The following PRMT2 variants were observed in gnomAD, a reference collection of about 807,000 sequenced individuals.
PRMT2 encodes protein arginine methyltransferase 2.
PRMT2 carries 26 observed loss-of-function variants against 57.6 expected under a neutral mutation model. The ratio of observed to expected loss-of-function variants is 0.45; its 90% CI spans 0.33 to 0.63. PRMT2 has a LOEUF of 0.63. PRMT2 is among the 20% of genes least tolerant of loss of function. The probability of loss-of-function intolerance (pLI) is 0.02; values close to 1 mark genes in which losing one functional copy is unlikely to be tolerated. For missense variants in PRMT2, 472 were observed against 564.4 expected (o/e 0.84, Z 1.66); for synonymous variants, 219 against 220.0 (o/e 1.00, Z 0.04).
chr21:46,650,976 G>A (rs563585143), intron 7 of PRMT2, among the ~76,000 whole-genome samples: 2 of 152,350 alleles, frequency 1.3e-5, no homozygotes, highest in East Asian at 1.9e-4. Flanking sequence ...CCTGGACACC[G>A]AAGGGAGTGC....
At chr21:46,662,147 C>T (rs1160495621) in intron 10 of PRMT2, among the ~76,000 whole-genome samples, 1 of 152,006 alleles carries the variant, frequency 6.6e-6, no homozygotes, top group Non-Finnish European at 1.5e-5. Context: ...TTCCGGGTCT[C>T]GCCACCACTC....
chr21:46,641,696 A>G (rs1349339062), intron 3 of PRMT2, among the ~76,000 whole-genome samples: 1 of 146,852 alleles, frequency 6.8e-6, no homozygotes, highest in Non-Finnish European at 1.5e-5. Flanking sequence ...CATCCTAAAA[A>G]AAAAGCCAAA....
chr21:46,648,583 C>G lies in PRMT2; in HGVS notation c.453C>G (p.Ile151Met), dbSNP rs779430096. The stretch of plus-strand genomic sequence containing the variant: ...ACGTGGGCTGTGGGACTGGGATCAT[C>G]AGTCTCTTCTGTGCACACTATGCGC... ...ILDVGCGTGI[I>M]SLFCAHYARP... The change falls in exon 6 of 12, where the codon ATC becomes ATG. Residue 151 changes from isoleucine to methionine, a missense_variant. By Grantham distance (10) the Ile-to-Met change is conservative (BLOSUM62 1). Coordinates refer to ENST00000355680, the MANE Select transcript of PRMT2 (RefSeq NM_206962.4). This position sits in a 1 kb window ranked among gnomAD's most constrained non-coding sequence, Gnocchi z 4.8. The G allele has an allele frequency of 1.9e-6, 3 of 1,614,222 alleles. No individual in the cohort carries two copies. The African/African-American group carries it at 4.0e-5, about 22-fold the overall frequency.
chr21:46,661,747 G>A, intron 9 of PRMT2, 53 bp from the exon 10 acceptor site: 1 of 1,283,732 alleles, frequency 7.8e-7, no homozygotes, highest in Middle Eastern at 2.3e-4. Context: ...CCCAACCCGG[G>A]CCCTGCGGTG....
At chr21:46,637,103 C>A in intron 3 of PRMT2, 113 bp downstream of exon 3, 1 of 1,056,384 alleles carries the variant, frequency 9.5e-7, no homozygotes. Context: ...TGGAAGGTGG[C>A]CACCGGCAGT....
intron 7 of PRMT2, chr21:46,652,949 G>C: frequency 7.7e-7 from 1 of 1,292,476 alleles, no homozygotes; most frequent in Non-Finnish European, 1.0e-6. Flanking sequence ...GCAGGTGCAG[G>C]GGCTGCCTCC....
At chr21:46,639,999 C>T (rs891947695) in intron 3 of PRMT2, among the ~76,000 whole-genome samples, 1 of 152,088 alleles carries the variant, frequency 6.6e-6, no homozygotes, top group African/African-American at 2.4e-5. Flanking sequence ...TCTATAATTC[C>T]ATATTACCTC....
intron 10 of PRMT2, among the ~76,000 whole-genome samples, chr21:46,662,980 C>G (rs1157656515): frequency 6.6e-6 from 1 of 152,102 alleles, no homozygotes; most frequent in African/African-American, 2.4e-5. Context: ...GTCCTCCTGG[C>G]GGGCCGGGGA....
intron 5 of PRMT2, among the ~76,000 whole-genome samples, chr21:46,645,721 GTT>G (rs975286483): frequency 7.0e-6 from 1 of 142,128 alleles, no homozygotes. Context: ...GTTTGTTTTT[GTT>G]TTTTTTTTTT....
chr21:46,657,922 T>C (rs912388109), intron 7 of PRMT2: 4 of 152,250 alleles, frequency 2.6e-5, no homozygotes, highest in Non-Finnish European at 4.4e-5. Flanking sequence ...TGGGTTAATA[T>C]GTGATTTTTA....
In PRMT2 at chr21:46,664,595, C is replaced by T. The variant is rs1201170438; in HGVS notation, c.*268C>T. 6.6e-5 allele frequency: 37 copies of T among 564,034 alleles called. No individual in the cohort carries two copies. The Admixed American group carries it at 1.1e-3, about 17-fold the overall frequency. 34.9% of individuals were successfully genotyped at this position (564,034 alleles called of 1,614,324 possible). A position where few individuals can be genotyped will look rare whatever the true frequency, so the allele number is the denominator to read the frequency against. The stretch of plus-strand genomic sequence containing the variant: ...TTTCCAGGTGTTCACCCGTGGTGCC[C>T]ACAGTGCCGACCCGTGGCTGGGTCG... On this transcript the variant is annotated 3_prime_UTR_variant, in exon 12 of 12. Coordinates refer to ENST00000355680, the MANE Select transcript of PRMT2 (RefSeq NM_206962.4).
At chr21:46,637,757 G>C (rs993893914) in intron 3 of PRMT2, among the ~76,000 whole-genome samples, 1 of 151,024 alleles carries the variant, frequency 6.6e-6, no homozygotes, top group Non-Finnish European at 1.5e-5. Flanking sequence ...ATATATATGT[G>C]TGTGTATATA....
chr21:46,649,449 T>C lies in PRMT2; in HGVS notation c.490-126T>C, dbSNP rs972203543. ...TGTGGCCAGTCCTCGCTGCCTCTGC[T>C]GTCTGGAATGCTGCTTCCCTCTTGT... On this transcript the variant is annotated intron_variant, in intron 6 of 11. Coordinates refer to ENST00000355680, the MANE Select transcript of PRMT2 (RefSeq NM_206962.4). The surrounding 1 kb of genome is among the most constrained non-coding windows in gnomAD (Gnocchi z 4.8). 19 of 1,479,528 alleles carry C rather than the reference T, an allele frequency of 1.3e-5. No individual in the cohort carries two copies. The highest frequency in any genetic ancestry group is 3.4e-5 in the South Asian group (3 of 87,342). 91.7% of individuals were successfully genotyped at this position (1,479,528 alleles called of 1,614,324 possible).
At chr21:46,650,572 C>T (rs1473916454) in intron 7 of PRMT2, among the ~76,000 whole-genome samples, 2 of 152,202 alleles carry the variant, frequency 1.3e-5, no homozygotes, top group African/African-American at 2.4e-5. Flanking sequence ...TAAGATGACA[C>T]ACAGGAGAAA....
chr21:46,652,158 C>G lies in PRMT2; in HGVS notation c.654+2419C>G, dbSNP rs995032781. The stretch of plus-strand genomic sequence containing the variant: ...TGGAGAAAAGAGGCCCTTCTTCACA[C>G]CATCTGCTAAAATAAACCTCAGATG... On this transcript the variant is annotated intron_variant, in intron 7 of 11. Coordinates refer to ENST00000355680, the MANE Select transcript of PRMT2 (RefSeq NM_206962.4). 1.8e-4 allele frequency: 254 copies of G among 1,434,626 alleles called. 1 individual carries two copies. Among genetic ancestry groups the G allele is most frequent in the Non-Finnish European group, 3.5e-5 (38 of 1,096,778 alleles). 88.9% of individuals were successfully genotyped at this position (1,434,626 alleles called of 1,614,324 possible). A position where few individuals can be genotyped will look rare whatever the true frequency, so the allele number is the denominator to read the frequency against.
rs571055777 is a variant in PRMT2, at chr21:46,656,904, T to C, written c.655-1841T>C. ...AAGACAAGCTAAGATTAGGAGAAAA[T>C]ATTGCAAAGAACATATCCAGTGTGT... On this transcript the variant is annotated intron_variant, in intron 7 of 11. Transcript: ENST00000355680. 4.6e-5 allele frequency: 7 copies of C among 152,134 alleles called. No individual in the cohort carries two copies. In the South Asian group the frequency reaches 1.4e-3, roughly 31 times the overall value. The allele number at this position is 152,134 out of a possible 1,614,324, so 9.4% of individuals were successfully genotyped here.
Position 46,649,879 on chromosome 21 carries a change from C to A in PRMT2, c.654+140C>A. ...CCCTAATGTGAGGTCTAATTAATTT[C>A]TTGTGTGGACATTGGCTCAGTGTCT... On this transcript the variant is annotated intron_variant, in intron 7 of 11. Coordinates refer to ENST00000355680, the MANE Select transcript of PRMT2 (RefSeq NM_206962.4). The surrounding 1 kb of genome is among the most constrained non-coding windows in gnomAD (Gnocchi z 4.8). 7 of 1,488,362 alleles carry A rather than the reference C, an allele frequency of 4.7e-6. No homozygotes were observed. Among genetic ancestry groups the A allele is most frequent in the Non-Finnish European group, 6.3e-6 (7 of 1,110,328 alleles). 92.2% of individuals were successfully genotyped at this position (1,488,362 alleles called of 1,614,324 possible).
intron 7 of PRMT2, chr21:46,653,812 A>G (rs532291487): frequency 9.4e-7 from 1 of 1,061,048 alleles, no homozygotes; most frequent in Non-Finnish European, 1.1e-6. Context: ...CATTGCCACC[A>G]CATGCTTGAA....
In PRMT2 at chr21:46,658,879, C is replaced by T; in HGVS notation, c.789C>T (p.Leu263=). The change falls in exon 8 of 12, where the codon CTC becomes CTT. Residue 263 remains leucine, a synonymous_variant. Coordinates refer to ENST00000355680, the MANE Select transcript of PRMT2 (RefSeq NM_206962.4). ...SADKDYRSKV[L]FWDNAYEFNL... is the part of the protein sequence containing the mutation. ...ATAAGGATTATCGTAGCAAGGTGCT[C>T]TTCTGGGACAACGCGTACGAGTTCA... The T allele has an allele frequency of 4.3e-6, 7 of 1,614,172 alleles. No homozygotes were observed. Among genetic ancestry groups the T allele is most frequent in the Non-Finnish European group, 5.9e-6 (7 of 1,180,032 alleles).
Sources: allele counts gnomAD v4.1 joint callset (sites outside exome capture counted in the v4.1 genomes callset), GRCh38; gene constraint gnomAD v4.1.1; non-coding constraint Gnocchi (gnomAD v3.1); transcripts MANE v1.5; gene names NCBI Gene and HGNC (gene_info 2026-07-23, HGNC 2026-07-21).